ANO1: variants seen among roughly 807,000 people sequenced by gnomAD.
ANO1 encodes anoctamin-1.
Under a neutral mutation model 124.0 loss-of-function variants are expected in ANO1, and 59 were observed. That is an observed-to-expected ratio of 0.48 (90% CI 0.39 to 0.59). The LOEUF (loss-of-function observed/expected upper bound fraction) is 0.59. Among genes scored for constraint, ANO1 ranks in the 20% least tolerant of loss-of-function variants. The pLI is 0.00. For synonymous variants in ANO1, 529 were observed against 532.0 expected, an observed-to-expected ratio of 0.99 and a Z score of 0.08; for missense variants, 1,059 against 1,328.0, an observed-to-expected ratio of 0.80 and a Z score of 3.15.
At chr11:70,140,799 ACAT>A (rs2047127720) in intron 11 of ANO1, among the ~76,000 whole-genome samples, 1 of 152,214 alleles carries the variant, frequency 6.6e-6, no homozygotes, top group South Asian at 2.1e-4. Context: ...TTTGTTCTCA[ACAT>A]CTCGGGATAT....
intron 1 of ANO1, among the ~76,000 whole-genome samples, chr11:70,060,582 A>C (rs1334362571): frequency 6.6e-6 from 1 of 152,200 alleles, no homozygotes; most frequent in Non-Finnish European, 1.5e-5. Flanking sequence ...GGAGGAGTCG[A>C]GAGGCAGACA....
chr11:70,084,355 G>A (rs1364343692), intron 1 of ANO1, among the ~76,000 whole-genome samples: 2 of 152,174 alleles, frequency 1.3e-5, no homozygotes, highest in African/African-American at 4.8e-5. Context: ...AGATGTTGAG[G>A]GGAAAGCGTA....
chr11:70,078,554 C>G lies in ANO1; in HGVS notation c.-53C>G. 7.7e-7 allele frequency: 1 copy of G among 1,304,506 alleles called. No individual in the cohort carries two copies. The highest frequency in any genetic ancestry group is 1.0e-6 in the Non-Finnish European group (1 of 982,970). The allele number at this position is 1,304,506 out of a possible 1,614,324, so 80.8% of individuals were successfully genotyped here. ...TCTCCGCCCGCAGAGGCCGCCGGGG[C>G]CGTGGATGGGGAGGGCGCGCCGCCC... On this transcript the variant is annotated 5_prime_UTR_variant, in exon 1 of 26. Coordinates refer to ENST00000355303, the MANE Select transcript of ANO1 (RefSeq NM_018043.7).
chr11:70,053,329 C>T (rs930435452), intron 1 of ANO1, among the ~76,000 whole-genome samples: 14 of 152,130 alleles, frequency 9.2e-5, no homozygotes, highest in Non-Finnish European at 7.3e-5. Context: ...TAGGAGTGGA[C>T]GTGGCAGACA....
At chr11:70,067,558 C>A (rs1433344178) in intron 1 of ANO1, among the ~76,000 whole-genome samples, 3 of 152,190 alleles carry the variant, frequency 2.0e-5, no homozygotes, top group Non-Finnish European at 4.4e-5. Flanking sequence ...GAACTCCCGA[C>A]CTCAAGTGAT....
At chr11:70,131,210 A>T (rs1436104380) in intron 10 of ANO1, among the ~76,000 whole-genome samples, 1 of 151,980 alleles carries the variant, frequency 6.6e-6, no homozygotes, top group African/African-American at 2.4e-5. Context: ...ATCTACCACA[A>T]AGCAGGTCTG....
At chr11:70,136,698 G>A (rs1054770658) in intron 11 of ANO1, among the ~76,000 whole-genome samples, 4 of 147,864 alleles carry the variant, frequency 2.7e-5, no homozygotes, top group South Asian at 2.3e-4. Context: ...CCTCAGACAC[G>A]CTCAGCTCCA....
chr11:70,075,387 C>G (rs2044045182), upstream of ANO1: 1 of 151,842 alleles, frequency 6.6e-6, no homozygotes, highest in African/African-American at 2.4e-5. Flanking sequence ...AGCACGTATA[C>G]TAAAATTGGA....
chr11:70,177,597 T>TC (rs1375941952), intron 22 of ANO1, among the ~76,000 whole-genome samples: 23 of 92,346 alleles, frequency 2.5e-4, no homozygotes, highest in Admixed American at 9.6e-4. Flanking sequence ...TTTTTTTCTT[T>TC]TTTTTTTTTT....
chr11:70,132,683 C>G (rs2046808324), intron 11 of ANO1, among the ~76,000 whole-genome samples: 1 of 152,248 alleles, frequency 6.6e-6, no homozygotes, highest in African/African-American at 2.4e-5. Context: ...CGACTCCCAA[C>G]TCCAGCTTTC....
rs150624909 is a variant in ANO1, at chr11:69,987,763, G to A, written c.58+1597G>A. 9.2e-5 allele frequency among the ~76,000 whole-genome samples: 14 copies of A among 152,264 alleles called. No individual in the cohort carries two copies. The East Asian group carries it at 2.5e-3, about 27-fold the overall frequency. On this transcript the variant is annotated intron_variant, in intron 1 of 27. Transcript: ENST00000531349. ...GAGGAAACCGTTCCCTGTGCATGAG[G>A]GTGTACTCTGGAGGCCTGTGCTTTG...
intron 1 of ANO1, among the ~76,000 whole-genome samples, chr11:70,087,526 A>C (rs1335698630): frequency 6.6e-6 from 1 of 152,200 alleles, no homozygotes; most frequent in Admixed American, 6.5e-5. Flanking sequence ...AATGATTAGC[A>C]GTGAATACCT....
At chr11:70,035,728 T>C (rs1350068520) in intron 1 of ANO1, among the ~76,000 whole-genome samples, 2 of 152,042 alleles carry the variant, frequency 1.3e-5, no homozygotes, top group Non-Finnish European at 2.9e-5. Context: ...TGAGTGCCCA[T>C]GTGTTCTCAT....
chr11:70,079,472 C>G (rs953879022), intron 1 of ANO1, among the ~76,000 whole-genome samples: 1 of 152,240 alleles, frequency 6.6e-6, no homozygotes, highest in East Asian at 1.9e-4. Flanking sequence ...AGGGCCAGAC[C>G]CAGAGGTCTA....
At chr11:69,987,430 G>A (rs1176118784) in intron 1 of ANO1, among the ~76,000 whole-genome samples, 1 of 152,142 alleles carries the variant, frequency 6.6e-6, no homozygotes, top group Non-Finnish European at 1.5e-5. Flanking sequence ...TCCCCATTGT[G>A]CAGACAAAGA....
chr11:70,098,874 G>A (rs2045130823), intron 2 of ANO1, among the ~76,000 whole-genome samples: 1 of 152,160 alleles, frequency 6.6e-6, no homozygotes, highest in Non-Finnish European at 1.5e-5. Flanking sequence ...TCTCCTTTCT[G>A]TTTGTGATTT....
At chr11:70,073,288 G>A (rs1555009570) in intron 1 of ANO1, among the ~76,000 whole-genome samples, 3 of 152,160 alleles carry the variant, frequency 2.0e-5, no homozygotes, top group Non-Finnish European at 4.4e-5. Context: ...ACCTCCTGCA[G>A]AGTCACTGGG....
chr11:69,996,238 T>C (rs989799343), intron 1 of ANO1, among the ~76,000 whole-genome samples: 21 of 152,370 alleles, frequency 1.4e-4, no homozygotes, highest in Middle Eastern at 3.4e-3. Context: ...TTGCTGAACA[T>C]TGATCACACT....
chr11:69,967,918 A>G, the ANO1 span, among the ~76,000 whole-genome samples: 1 of 152,058 alleles, frequency 6.6e-6, no homozygotes, highest in African/African-American at 2.4e-5. Context: ...TGGATGAGAG[A>G]TTCCATTTTC....
Sources: gnomAD v4.1 joint callset for allele counts (sites outside exome capture counted in the v4.1 genomes callset) on GRCh38, gnomAD v4.1.1 for gene constraint, MANE v1.5 for transcripts, NCBI Gene and HGNC (gene_info 2026-07-23, HGNC 2026-07-21) for gene names.